Variants in MAST2 observed in about 807,000 individuals in gnomAD.
MAST2 encodes microtubule associated serine/threonine kinase 2.
Under a neutral mutation model 147.4 loss-of-function variants are expected in MAST2, and 70 were observed. That is an observed-to-expected ratio of 0.47 (90% CI 0.39 to 0.58). The LOEUF (loss-of-function observed/expected upper bound fraction) is 0.58. MAST2 is among the 20% of genes least tolerant of loss of function. The pLI, the probability that MAST2 is intolerant of heterozygous loss-of-function variation, is 0.00. For synonymous variants in MAST2, 869 were observed against 896.8 expected (o/e 0.97, Z 0.55); for missense variants, 2,080 against 2,302.3 (o/e 0.90, Z 1.98).
chr1:46,016,489 G>T (rs571337550), intron 10 of MAST2, among the ~76,000 whole-genome samples: 4 of 151,898 alleles, frequency 2.6e-5, no homozygotes, highest in African/African-American at 9.7e-5. Flanking sequence ...AAAGTCTCAG[G>T]ATACAAAATC....
intron 6 of MAST2, 22 bp downstream of exon 6, chr1:45,997,821 T>C (rs200639246): frequency 2.5e-6 from 4 of 1,603,134 alleles, no homozygotes; most frequent in Admixed American, 3.3e-5. Context: ...GGAAACCTCC[T>C]CTGGGACCAG....
Position 45,997,749 on chromosome 1 carries a change from G to C in MAST2, c.618G>C (p.Arg206=). ...GTAACAGTCCTTTGGACAGCCCCCG[G>C]AATTTCTCTCCAAATGCACCTGCTC... ...HTGNSPLDSP[R]NFSPNAPAHF... is the part of the protein sequence containing the mutation. Residue 206 remains arginine (R), a synonymous_variant, in exon 6 of 29, where the codon CGG becomes CGC. Coordinates refer to ENST00000361297, the MANE Select transcript of MAST2 (RefSeq NM_015112.3). 1 of 1,614,126 alleles carries C rather than the reference G, an allele frequency of 6.2e-7. No individual in the cohort carries two copies. The highest frequency in any genetic ancestry group is 8.5e-7 in the Non-Finnish European group (1 of 1,179,980).
chr1:46,023,648 A>G lies in MAST2; in HGVS notation c.1572-124A>G, dbSNP rs1028407771. The G allele has an allele frequency of 1.2e-6, 1 of 834,584 alleles. No individual in the cohort carries two copies. Among genetic ancestry groups the G allele is most frequent in the Non-Finnish European group, 1.9e-6 (1 of 524,960 alleles). The allele number at this position is 834,584 out of a possible 1,614,324, so 51.7% of individuals were successfully genotyped here. A position where few individuals can be genotyped will look rare whatever the true frequency, so the allele number is the denominator to read the frequency against. On this transcript the variant is annotated intron_variant, in intron 14 of 28. Coordinates refer to ENST00000361297, the MANE Select transcript of MAST2 (RefSeq NM_015112.3). The surrounding 1 kb of genome is among the most constrained non-coding windows in gnomAD (Gnocchi z 4.9). The stretch of plus-strand genomic sequence containing the variant: ...GGGGTCCCAGACCCTTCTCACTGAT[A>G]TGCATGCCCTTGCCCCCTTGTTCTG...
intron 1 of MAST2, among the ~76,000 whole-genome samples, chr1:45,817,989 G>C (rs1239280537): frequency 1.3e-5 from 2 of 152,194 alleles, no homozygotes; most frequent in Non-Finnish European, 2.9e-5. Flanking sequence ...CATCCTGCTG[G>C]TCATGGAAAT....
chr1:45,913,766 C>T (rs929990407), intron 4 of MAST2: 2 of 1,109,216 alleles, frequency 1.8e-6, no homozygotes, highest in Non-Finnish European at 2.2e-6. Flanking sequence ...ACTGCATACC[C>T]CTTGTGTGAG....
At chr1:45,902,031 GGGAGT>G (rs1649852866) in intron 4 of MAST2, among the ~76,000 whole-genome samples, 1 of 152,154 alleles carries the variant, frequency 6.6e-6, no homozygotes, top group Non-Finnish European at 1.5e-5. Flanking sequence ...TAGGAGTAGT[GGGAGT>G]GGACATCCTC....
chr1:46,005,236 C>G (rs967043362), intron 7 of MAST2, among the ~76,000 whole-genome samples: 4 of 152,154 alleles, frequency 2.6e-5, no homozygotes, highest in African/African-American at 9.7e-5. Context: ...GTGGCACATG[C>G]CTGTAATCTC....
intron 10 of MAST2, among the ~76,000 whole-genome samples, chr1:46,014,797 A>G (rs1012390506): frequency 6.6e-5 from 10 of 152,290 alleles, no homozygotes; most frequent in African/African-American, 2.4e-4. Flanking sequence ...ATACCCAGGA[A>G]TTGAACTCAG....
intron 1 of MAST2, among the ~76,000 whole-genome samples, chr1:45,819,964 C>T (rs1387110243): frequency 6.6e-6 from 1 of 151,966 alleles, no homozygotes; most frequent in African/African-American, 2.4e-5. Flanking sequence ...CTATGGTAAC[C>T]AAAACAACAT....
At chr1:45,966,641 G>T (rs993877355) in intron 5 of MAST2, among the ~76,000 whole-genome samples, 1 of 152,138 alleles carries the variant, frequency 6.6e-6, no homozygotes, top group Non-Finnish European at 1.5e-5. Context: ...AGAATCGCTT[G>T]AACCAGGGAG....
At chr1:45,804,270 G>A (rs865866803) in intron 1 of MAST2, among the ~76,000 whole-genome samples, 198 bp downstream of exon 1, 9 of 152,114 alleles carry the variant, frequency 5.9e-5, no homozygotes, top group African/African-American at 2.2e-4. Context: ...TTGGAAATGG[G>A]GGTGTAGAAG....
intron 10 of MAST2, among the ~76,000 whole-genome samples, chr1:46,014,373 T>C (rs1645845093): frequency 7.4e-6 from 1 of 135,900 alleles, no homozygotes; most frequent in Non-Finnish European, 1.5e-5. Flanking sequence ...CCCCTTCCTG[T>C]GTCCATGTGT....
At position 45,897,741 on chromosome 1, in the gene MAST2, G is replaced by A. The variant is rs112023232; in HGVS notation, c.500+15346G>A. On this transcript the variant is annotated intron_variant, in intron 4 of 28. Transcript: ENST00000361297. ...GGAGGATCTCTTGAGCCCTGGAAGC[G>A]GAGGTTGCGGTGAGCCATAATCACG... Among the ~76,000 whole-genome samples, 263 of 152,032 alleles carry A rather than the reference G, an allele frequency of 1.7e-3. 1 individual carries two copies. The highest frequency in any genetic ancestry group is 3.4e-3 in the Middle Eastern group (1 of 292).
Position 45,820,385 on chromosome 1 carries a change from G to GT in MAST2, c.178-4042dup, listed in dbSNP as rs202124469. 1.6e-4 allele frequency among the ~76,000 whole-genome samples: 25 copies of GT among 152,124 alleles called. No individual in the cohort carries two copies. In the East Asian group the frequency reaches 4.4e-3, roughly 27 times the overall value. Reference sequence around the variant, plus strand: ...TCTTTTCTCACTTCCTTTTGTGTGTGTTTTTTAGAATTTTTTTTTGGTTGC... The same window carrying GT: ...TCTTTTCTCACTTCCTTTTGTGTGTGTTTTTTTAGAATTTTTTTTTGGTTGC... On this transcript the variant is annotated intron_variant, in intron 1 of 28. Transcript: ENST00000361297.
chr1:45,948,633 G>A (rs1658452974), intron 4 of MAST2, among the ~76,000 whole-genome samples: 1 of 146,786 alleles, frequency 6.8e-6, no homozygotes, highest in Non-Finnish European at 1.5e-5. Context: ...CTTGAACCTG[G>A]GAGGTGAAGA....
intron 5 of MAST2, among the ~76,000 whole-genome samples, chr1:45,981,684 A>G (rs1162891965): frequency 6.6e-6 from 1 of 152,200 alleles, no homozygotes; most frequent in Non-Finnish European, 1.5e-5. Flanking sequence ...GTACAAGGGC[A>G]GCTTGGAGGT....
intron 5 of MAST2, among the ~76,000 whole-genome samples, chr1:45,987,776 G>GTTTT (rs1644692974): frequency 1.3e-4 from 4 of 30,700 alleles, no homozygotes; most frequent in East Asian, 8.2e-4. Flanking sequence ...TTTTTTTTTT[G>GTTTT]ATTTTTTTTT....
At chr1:46,000,935 A>G (rs770579386) in intron 6 of MAST2, 13 of 1,287,934 alleles carry the variant, frequency 1.0e-5, no homozygotes, top group Non-Finnish European at 1.2e-5. Context: ...GGTTCTCACT[A>G]TAATGTGTAT....
chr1:46,034,371 C>A, intron 28 of MAST2, 105 bp downstream of exon 28: 1 of 1,386,932 alleles, frequency 7.2e-7, no homozygotes, highest in Non-Finnish European at 9.7e-7. Context: ...TCATTTAGCC[C>A]ACCCCCTGAA....
Sources: gnomAD v4.1 joint callset for allele counts (sites outside exome capture counted in the v4.1 genomes callset) on GRCh38, gnomAD v4.1.1 for gene constraint, Gnocchi (gnomAD v3.1) non-coding constraint, MANE v1.5 for transcripts, NCBI Gene and HGNC (gene_info 2026-07-23, HGNC 2026-07-21) for gene names.